DDAH1: variants seen among roughly 807,000 people sequenced by gnomAD.
The protein encoded by DDAH1 is dimethylarginine dimethylaminohydrolase 1, also known as N(G),N(G)-dimethylarginine dimethylaminohydrolase 1.
Under a neutral mutation model 28.8 loss-of-function variants are expected in DDAH1, and 19 were observed. The ratio of observed to expected loss-of-function variants is 0.66; its 90% confidence interval spans 0.46 to 0.97. The LOEUF is 0.97. Among genes scored for constraint, DDAH1 ranks in the 50% least tolerant of loss-of-function variants. The pLI is 0.00. For synonymous variants in DDAH1, 153 were observed against 154.4 expected, an observed-to-expected ratio of 0.99 and a Z score of 0.07; for missense variants, 326 against 375.9, an observed-to-expected ratio of 0.87 and a Z score of 1.10.
chr1:85,373,835 AT>A (rs759687446), intron 1 of DDAH1, among the ~76,000 whole-genome samples: 2 of 151,598 alleles, frequency 1.3e-5, no homozygotes, highest in South Asian at 2.1e-4. Context: ...GATTGCAACT[AT>A]TTTTTTTTAA....
chr1:85,402,224 A>T (rs1473685150), intron 1 of DDAH1, among the ~76,000 whole-genome samples: 1 of 146,396 alleles, frequency 6.8e-6, no homozygotes, highest in Non-Finnish European at 1.5e-5. Context: ...CTTATCTTGA[A>T]CTTTTAGCCT....
At chr1:85,485,411 C>T (rs1656169626) in intron 2 of DDAH1, among the ~76,000 whole-genome samples, 1 of 152,012 alleles carries the variant, frequency 6.6e-6, no homozygotes, top group Non-Finnish European at 1.5e-5. Context: ...GACAGTGTTT[C>T]CTGGAGGAGG....
intron 1 of DDAH1, among the ~76,000 whole-genome samples, chr1:85,498,346 C>T (rs878995232): frequency 6.6e-6 from 1 of 152,178 alleles, no homozygotes; most frequent in African/African-American, 2.4e-5. Flanking sequence ...TAATATCAAC[C>T]TTTATTTCAT....
intron 1 of DDAH1, among the ~76,000 whole-genome samples, chr1:85,401,993 T>C (rs1056042356): frequency 5.3e-5 from 8 of 152,098 alleles, no homozygotes; most frequent in Admixed American, 1.3e-4. Flanking sequence ...TTACTTTAAT[T>C]AATTTTTTTA....
At chr1:85,406,306 C>T (rs1652400399) in intron 1 of DDAH1, among the ~76,000 whole-genome samples, 2 of 152,210 alleles carry the variant, frequency 1.3e-5, no homozygotes, top group African/African-American at 4.8e-5. Context: ...AAGCTTTCCT[C>T]ATCACTACAT....
At chr1:85,349,407 A>G (rs1271452676) in intron 4 of DDAH1, among the ~76,000 whole-genome samples, 1 of 152,208 alleles carries the variant, frequency 6.6e-6, no homozygotes, top group Non-Finnish European at 1.5e-5. Context: ...GAGGTAGAAG[A>G]GAAGAGACCT....
At chr1:85,454,141 T>C (rs142857000) in intron 1 of DDAH1, among the ~76,000 whole-genome samples, 11 of 152,272 alleles carry the variant, frequency 7.2e-5, no homozygotes, top group East Asian at 1.9e-4. Flanking sequence ...CTCTGAAAAA[T>C]GCAAAAGATG....
intron 2 of DDAH1, among the ~76,000 whole-genome samples, chr1:85,475,232 T>C (rs546661208): frequency 6.6e-6 from 1 of 152,240 alleles, no homozygotes; most frequent in Admixed American, 6.5e-5. Flanking sequence ...TATGACGTAA[T>C]GAAGATTAAT....
chr1:85,562,399 G>T (rs1433966693), intron 1 of DDAH1, among the ~76,000 whole-genome samples: 3 of 152,100 alleles, frequency 2.0e-5, no homozygotes, highest in African/African-American at 7.2e-5. Flanking sequence ...TCAAAAAGAA[G>T]AATAAAAGTT....
intron 1 of DDAH1, among the ~76,000 whole-genome samples, chr1:85,400,177 CTTTTTTTTTTTTTTTTTTTT>C (rs61677601): frequency 3.6e-5 from 2 of 54,946 alleles, no homozygotes; most frequent in Non-Finnish European, 8.1e-5. Context: ...CTTTTCTTTT[CTTTTTTTTTTTTTTTTTTTT>C]TTTTTTTTTT....
At chr1:85,381,598 C>T (rs1250175487) in intron 1 of DDAH1, among the ~76,000 whole-genome samples, 2 of 151,872 alleles carry the variant, frequency 1.3e-5, no homozygotes, top group Admixed American at 1.3e-4. Flanking sequence ...GTCTTTGTTC[C>T]TTTATATACA....
intron 4 of DDAH1, among the ~76,000 whole-genome samples, chr1:85,345,332 TTA>T (rs536949515): frequency 0.029 from 1,024 of 35,456 alleles, 14 homozygotes; most frequent in African/African-American, 0.058. Flanking sequence ...TTGTCTTACA[TTA>T]TTTTTTTTTT....
intron 2 of DDAH1, among the ~76,000 whole-genome samples, chr1:85,481,097 TG>T (rs1427562465): frequency 5.2e-5 from 6 of 115,854 alleles, no homozygotes; most frequent in African/African-American, 2.1e-4. Context: ...TTGGGTTTTT[TG>T]TTTTTTTTTT....
chr1:85,511,784 C>A (rs568451942), intron 1 of DDAH1, among the ~76,000 whole-genome samples: 51 of 152,240 alleles, frequency 3.3e-4, no homozygotes, highest in Middle Eastern at 3.4e-3. Context: ...ATACACTCTC[C>A]CAAGACTAAA....
intron 1 of DDAH1, among the ~76,000 whole-genome samples, chr1:85,518,633 T>C (rs569492937): frequency 8.9e-4 from 136 of 152,232 alleles, no homozygotes; most frequent in South Asian, 5.8e-3. Context: ...GGCTCTACCT[T>C]TAAGGACTCA....
intron 1 of DDAH1, among the ~76,000 whole-genome samples, chr1:85,571,135 G>A (rs1340163884): frequency 1.3e-5 from 2 of 152,158 alleles, no homozygotes; most frequent in Admixed American, 6.5e-5. Flanking sequence ...CCTGTAAGGC[G>A]TTTGGCCCAT....
At chr1:85,384,825 T>C (rs1168848733) in intron 1 of DDAH1, among the ~76,000 whole-genome samples, 1 of 152,182 alleles carries the variant, frequency 6.6e-6, no homozygotes, top group Non-Finnish European at 1.5e-5. Context: ...AAGAACAAAT[T>C]TAGTGATTCT....
intron 1 of DDAH1, among the ~76,000 whole-genome samples, chr1:85,408,364 G>C (rs576109856): frequency 6.6e-6 from 1 of 151,532 alleles, no homozygotes; most frequent in African/African-American, 2.4e-5. Flanking sequence ...CCACCCCAGA[G>C]GTAACCATGT....
exon 1 of DDAH1, chr1:85,578,016 G>C (rs1484645801): frequency 1.4e-5 from 14 of 985,344 alleles, no homozygotes; most frequent in South Asian, 4.7e-5. Flanking sequence ...CCTCCTGTCC[G>C]TCAACTTGGA....
Sources: gnomAD v4.1 joint callset for allele counts (sites outside exome capture counted in the v4.1 genomes callset) on GRCh38, gnomAD v4.1.1 for gene constraint, MANE v1.5 for transcripts, NCBI Gene and HGNC (gene_info 2026-07-23, HGNC 2026-07-21) for gene names.